Variants in CFAP54 observed in about 807,000 individuals in gnomAD.
CFAP54 encodes the protein cilia and flagella associated protein 54.
Under a neutral mutation model 370.4 loss-of-function variants are expected in CFAP54, and 290 were observed. The ratio of observed to expected loss-of-function variants is 0.78; its 90% CI spans 0.71 to 0.86. CFAP54 has a LOEUF of 0.86. CFAP54 is among the 40% of genes least tolerant of loss of function. The pLI, the probability that CFAP54 is intolerant of heterozygous loss-of-function variation, is 0.00. For synonymous variants in CFAP54, 1,206 were observed against 1,236.5 expected (o/e 0.98, Z 0.52); for missense variants, 3,399 against 3,528.7 (o/e 0.96, Z 0.93).
At chr12:96,654,486 G>A (rs1293856759) in intron 36 of CFAP54, among the ~76,000 whole-genome samples, 3 of 138,852 alleles carry the variant, frequency 2.2e-5, no homozygotes, top group African/African-American at 5.4e-5. Flanking sequence ...GGGCGACAGA[G>A]CGAGACTCCG....
At chr12:96,840,834 A>G (rs1247608829) in intron 66 of CFAP54, among the ~76,000 whole-genome samples, 1 of 152,148 alleles carries the variant, frequency 6.6e-6, no homozygotes, top group Non-Finnish European at 1.5e-5. Flanking sequence ...TTTAAAACAC[A>G]GCACTGACTT....
intron 36 of CFAP54, among the ~76,000 whole-genome samples, chr12:96,656,526 C>G (rs376915931): frequency 6.6e-6 from 1 of 152,354 alleles, no homozygotes; most frequent in African/African-American, 2.4e-5. Flanking sequence ...AGATTACAGG[C>G]ATGCGCCACC....
chr12:96,728,748 G>T, intron 50 of CFAP54, among the ~76,000 whole-genome samples: 1 of 152,110 alleles, frequency 6.6e-6, no homozygotes, highest in Non-Finnish European at 1.5e-5. Context: ...AGGAGGAGAG[G>T]CGCTCTGCTT....
chr12:96,493,927 T>G (rs974425512), intron 1 of CFAP54, among the ~76,000 whole-genome samples: 1 of 151,734 alleles, frequency 6.6e-6, no homozygotes, highest in African/African-American at 2.4e-5. Context: ...AGATAGGAAG[T>G]TGCAATTTTC....
At chr12:96,561,773 C>A (rs374578714) in intron 17 of CFAP54, among the ~76,000 whole-genome samples, 1 of 94,852 alleles carries the variant, frequency 1.1e-5, no homozygotes. Flanking sequence ...ATCACAAGTT[C>A]TTTTTTTTTT....
At chr12:96,527,111 G>C in intron 8 of CFAP54, 135 bp from the exon 9 acceptor site, 1 of 642,426 alleles carries the variant, frequency 1.6e-6, no homozygotes, top group Non-Finnish European at 2.4e-6. Flanking sequence ...TTGCCCAGGT[G>C]GTCTTGAACT....
chr12:96,676,813 C>A, intron 39 of CFAP54, among the ~76,000 whole-genome samples: 1 of 152,026 alleles, frequency 6.6e-6, no homozygotes, highest in Non-Finnish European at 1.5e-5. Context: ...AGGCATGAAC[C>A]ACCACACCCA....
chr12:96,615,073 A>G (rs938640174), intron 26 of CFAP54, among the ~76,000 whole-genome samples: 3 of 152,248 alleles, frequency 2.0e-5, no homozygotes, highest in African/African-American at 7.2e-5. Context: ...AAGCCAAAAG[A>G]ACAAAGCTGG....
intron 55 of CFAP54, among the ~76,000 whole-genome samples, chr12:96,747,024 G>A (rs1592739302): frequency 6.6e-6 from 1 of 152,280 alleles, no homozygotes; most frequent in South Asian, 2.1e-4. Context: ...CATGTTGGTT[G>A]TTAAGGACAA....
chr12:96,631,903 T>A (rs138788822), intron 32 of CFAP54, among the ~76,000 whole-genome samples: 2 of 151,874 alleles, frequency 1.3e-5, no homozygotes, highest in East Asian at 3.9e-4. Flanking sequence ...AGCGTTGCGG[T>A]TTTCAAGATA....
At position 96,581,058 on chromosome 12, in the gene CFAP54, G is replaced by A. The variant is rs1325888729; in HGVS notation, c.3028G>A (p.Val1010Ile). 6.6e-7 allele frequency: 1 copy of A among 1,526,692 alleles called. No individual in the cohort carries two copies. The highest frequency in any genetic ancestry group is 1.4e-5 in the African/African-American group (1 of 72,504). The allele number at this position is 1,526,692 out of a possible 1,614,324, so 94.6% of individuals were successfully genotyped here. The stretch of plus-strand genomic sequence containing the variant: ...TGGGGAGACAACTAAACCAATTCTG[G>A]TTTATCCCCCTCTTTCTACTATTAC... ...AIGETTKPIL[V>I]YPPLSTITAR... The change falls in exon 22 of 68, where the codon GTT becomes ATT. Residue 1010 changes from valine to isoleucine, a missense_variant. Around this residue, in one of 3 missense-constraint regions of CFAP54, gnomAD observed 2,796 missense variants for 2,869.7 expected, o/e 0.97. Coordinates refer to ENST00000524981, the MANE Select transcript of CFAP54 (RefSeq NM_001306084.2).
chr12:96,540,007 A>C (rs2136387073), intron 13 of CFAP54: 1 of 152,388 alleles, frequency 6.6e-6, no homozygotes, highest in Non-Finnish European at 1.5e-5. Flanking sequence ...TAATAATGTG[A>C]GTACATAAAT....
intron 22 of CFAP54, 54 bp downstream of exon 22, chr12:96,581,159 G>A: frequency 8.4e-7 from 1 of 1,196,590 alleles, no homozygotes; most frequent in South Asian, 2.3e-5. Context: ...CCATTAAGCA[G>A]TTATGAAGTA....
At chr12:96,586,594 A>G (rs1354000232) in intron 22 of CFAP54, among the ~76,000 whole-genome samples, 1 of 152,190 alleles carries the variant, frequency 6.6e-6, no homozygotes, top group Non-Finnish European at 1.5e-5. Context: ...TAAGGTTTTC[A>G]GAAGTGTACC....
intron 66 of CFAP54, among the ~76,000 whole-genome samples, chr12:96,830,998 C>T (rs1959169246): frequency 6.6e-6 from 1 of 152,156 alleles, no homozygotes. Flanking sequence ...TTTTCCTCCT[C>T]CTCTTCTAAT....
chr12:96,665,323 A>G (rs2136526574), intron 39 of CFAP54, among the ~76,000 whole-genome samples: 1 of 152,236 alleles, frequency 6.6e-6, no homozygotes, highest in Admixed American at 6.5e-5. Context: ...GTTTAGTTTA[A>G]TTAGATCCCA....
At chr12:96,743,631 A>C in intron 53 of CFAP54, 72 bp downstream of exon 53, 1 of 1,595,306 alleles carries the variant, frequency 6.3e-7, no homozygotes, top group Non-Finnish European at 8.6e-7. Flanking sequence ...GAGAATTTCA[A>C]ATTCCACTAG....
At position 96,638,611 on chromosome 12, in the gene CFAP54, T is replaced by A. The variant is rs79246471; in HGVS notation, c.4317-5567T>A. Among the ~76,000 whole-genome samples the A allele has an allele frequency of 4.7e-3, 715 of 152,306 alleles. 4 individuals are homozygous for A. The highest frequency in any genetic ancestry group is 0.016 in the African/African-American group (678 of 41,554). Reference sequence around the variant, plus strand: ...ATATGTTTTTAAATTATCTTTGTAATTTCTGCTTCTTGTGAATAGATCTTA... The same window carrying A: ...ATATGTTTTTAAATTATCTTTGTAAATTCTGCTTCTTGTGAATAGATCTTA... On this transcript the variant is annotated intron_variant, in intron 32 of 67. Transcript: ENST00000524981.
intron 25 of CFAP54, among the ~76,000 whole-genome samples, chr12:96,596,791 A>G (rs2136439584): frequency 6.6e-6 from 1 of 152,244 alleles, no homozygotes; most frequent in African/African-American, 2.4e-5. Context: ...GACAGAGGGC[A>G]AGTATATATA....
Sources: allele counts gnomAD v4.1 joint callset (sites outside exome capture counted in the v4.1 genomes callset), GRCh38; gene constraint gnomAD v4.1.1; regional missense constraint gnomAD v4.1.1; transcripts MANE v1.5; gene names NCBI Gene and HGNC (gene_info 2026-07-23, HGNC 2026-07-21).